Variants in CREBBP observed in about 807,000 individuals in gnomAD.
CREBBP encodes CREB binding lysine acetyltransferase, also known as CREB-binding protein.
Under a neutral mutation model 265.0 loss-of-function variants are expected in CREBBP, and 19 were observed. The observed-to-expected ratio is 0.07, with a 90% CI of 0.05 to 0.11. The LOEUF (loss-of-function observed/expected upper bound fraction) is 0.11. CREBBP is among the 10% of genes least tolerant of loss of function. The probability of loss-of-function intolerance (pLI) is 1.00; values close to 1 mark genes in which losing one functional copy is unlikely to be tolerated. For synonymous variants in CREBBP, 1,457 were observed against 1,223.7 expected, an observed-to-expected ratio of 1.19 and a Z score of -3.98; for missense variants, 2,525 against 3,219.0, an observed-to-expected ratio of 0.78 and a Z score of 5.22.
At position 3,781,422 on chromosome 16, in the gene CREBBP, T is replaced by C. The variant is rs1208639329; in HGVS notation, c.1574-116A>G. ...AACAATTGGTGGTTATTTAAATAAG[T>C]GATTCTGGCCAGTTATAGTAAGCAC... On this transcript the variant is annotated intron_variant, in intron 6 of 30. Coordinates refer to ENST00000262367, the MANE Select transcript of CREBBP (RefSeq NM_004380.3). 8 of 838,150 alleles carry C rather than the reference T, an allele frequency of 9.5e-6. No homozygotes were observed. In the East Asian group the frequency reaches 1.9e-4, roughly 20 times the overall value. 51.9% of individuals were successfully genotyped at this position (838,150 alleles called of 1,614,324 possible).
Position 3,725,740 on chromosome 16 carries a change from C to T in CREBBP, c.*1978G>A, listed in dbSNP as rs1474279780. On this transcript the variant is annotated 3_prime_UTR_variant, in exon 31 of 31. Transcript: ENST00000262367. ...ACTTCTTAGAAAGGTTCCTCGAATT[C>T]AGATTCCCAAACCAAGTATTCAGCT... 1.3e-5 allele frequency: 3 copies of T among 233,186 alleles called. No individual in the cohort carries two copies. The East Asian group carries it at 1.8e-4, about 14-fold the overall frequency. The allele number at this position is 233,186 out of a possible 1,614,324, so 14.4% of individuals were successfully genotyped here.
rs2151334147 is a variant in CREBBP, at chr16:3,738,594, G to A, written c.4359C>T (p.Ile1453=). Reference sequence around the variant, plus strand: ...TCACATACTCTAAATATCCAATAAGGATCTCATGGTAAACGGCTGTGCGGA... The same window carrying A: ...TCACATACTCTAAATATCCAATAAGAATCTCATGGTAAACGGCTGTGCGGA... ...RCLRTAVYHE[I]LIGYLEYVKK... is the part of the protein sequence containing the mutation. Residue 1453 remains isoleucine, a synonymous_variant, in exon 26 of 31, where the codon ATC becomes ATT. Transcript: ENST00000262367. The A allele has an allele frequency of 1.9e-6, 3 of 1,613,154 alleles. No homozygotes were observed. Among genetic ancestry groups the A allele is most frequent in the African/African-American group, 1.3e-5 (1 of 75,000 alleles).
chr16:3,730,691 G>C (rs530881978), intron 30 of CREBBP: 1 of 186,274 alleles, frequency 5.4e-6, no homozygotes, highest in Admixed American at 5.3e-5. Flanking sequence ...AGGAGGCTCC[G>C]GGTTGGCAGG....
At chr16:3,857,371 G>A (rs1350888574) in intron 1 of CREBBP, among the ~76,000 whole-genome samples, 1 of 152,122 alleles carries the variant, frequency 6.6e-6, no homozygotes, top group African/African-American at 2.4e-5. Flanking sequence ...AAATATACAG[G>A]TGTGGCTTTT....
chr16:3,850,980 C>A lies in CREBBP; in HGVS notation c.115G>T (p.Asp39Tyr). 6.2e-7 allele frequency: 1 copy of A among 1,614,142 alleles called. No individual in the cohort carries two copies. Among genetic ancestry groups the A allele is most frequent in the South Asian group, 1.1e-5 (1 of 91,060 alleles). ...DFGSLFDLEN[D>Y]LPDELIPNGG... ...TTGGGTATCAGCTCATCAGGAAGAT[C>A]ATTTTCCAAGTCAAACAATGATCCA... The change falls in exon 2 of 31, where the codon GAT (aspartate) becomes TAT (tyrosine). Residue 39 changes from aspartate (D) to tyrosine (Y), a missense_variant. Physicochemically the swap from Asp to Tyr is radical, Grantham distance 160. Around this residue, in one of 19 missense-constraint regions of CREBBP, gnomAD observed 356 missense variants for 340.4 expected, o/e 1.05. Transcript: ENST00000262367.
intron 2 of CREBBP, among the ~76,000 whole-genome samples, chr16:3,836,121 C>G (rs1303476277): frequency 1.3e-5 from 2 of 151,920 alleles, no homozygotes; most frequent in Non-Finnish European, 2.9e-5. Context: ...GGTCTGAGAA[C>G]AGGCAAAGCA....
At position 3,744,316 on chromosome 16, in the gene CREBBP, TAG is replaced by T. The variant is rs57433841; in HGVS notation, c.3982+576_3982+577del. On this transcript the variant is annotated intron_variant, in intron 23 of 30. Transcript: ENST00000262367. ...CGGCAGCCCACATAGGGCCCAGGGTTAGAGAGTGCTGGCCAACATTACACCAC... is the reference window on the plus strand; with the variant it reads ...CGGCAGCCCACATAGGGCCCAGGGTTAGAGTGCTGGCCAACATTACACCAC... Among the ~76,000 whole-genome samples the T allele has an allele frequency of 4.4e-3, 676 of 152,194 alleles. 7 individuals are homozygous for T. The highest frequency in any genetic ancestry group is 0.015 in the African/African-American group (636 of 41,504).
At chr16:3,797,961 A>G (rs2053640307) in intron 3 of CREBBP, among the ~76,000 whole-genome samples, 4 of 152,216 alleles carry the variant, frequency 2.6e-5, no homozygotes, top group African/African-American at 9.7e-5. Flanking sequence ...CAGGAAAGAA[A>G]GGATACTATC....
chr16:3,831,979 G>A (rs77082646), intron 2 of CREBBP, among the ~76,000 whole-genome samples: 3,645 of 151,542 alleles, frequency 0.024, 151 homozygotes, highest in African/African-American at 0.084. Context: ...CCTGGGCAAC[G>A]GAGTGAGACT....
chr16:3,731,084 G>A lies in CREBBP; in HGVS notation c.5172+108C>T, dbSNP rs1259474814. ...CTGTCCTAGTTCTGGAGGAGTCAGT[G>A]CAGCCACCATCAGGTACAGACACCA... is the stretch of plus-strand genomic sequence containing the variant. On this transcript the variant is annotated intron_variant, in intron 30 of 30. Transcript: ENST00000262367. The surrounding 1 kb of genome is among the most constrained non-coding windows in gnomAD (Gnocchi z 7.7). 1.7e-6 allele frequency: 2 copies of A among 1,167,256 alleles called. No homozygotes were observed. Among genetic ancestry groups the A allele is most frequent in the Non-Finnish European group, 1.2e-6 (1 of 803,632 alleles). The allele number at this position is 1,167,256 out of a possible 1,614,324, so 72.3% of individuals were successfully genotyped here.
intron 1 of CREBBP, among the ~76,000 whole-genome samples, chr16:3,858,225 ATC>A (rs2055003247): frequency 6.6e-6 from 1 of 152,242 alleles, no homozygotes; most frequent in Admixed American, 6.5e-5. Flanking sequence ...GGCTAAATCA[ATC>A]TGTGCAGCCA....
chr16:3,798,802 A>T (rs1289663294), intron 3 of CREBBP, among the ~76,000 whole-genome samples: 1 of 152,262 alleles, frequency 6.6e-6, no homozygotes, highest in Non-Finnish European at 1.5e-5. Context: ...ACATAAAATT[A>T]CCACATGACC....
chr16:3,825,312 A>G (rs1441442986), intron 2 of CREBBP, among the ~76,000 whole-genome samples: 2 of 152,236 alleles, frequency 1.3e-5, no homozygotes, highest in African/African-American at 4.8e-5. Flanking sequence ...GTTTTTACTT[A>G]GTAAATAAAA....
intron 5 of CREBBP, among the ~76,000 whole-genome samples, chr16:3,787,617 T>C (rs1215589464): frequency 2.0e-5 from 3 of 151,618 alleles, no homozygotes; most frequent in Non-Finnish European, 4.4e-5. Flanking sequence ...TGACTCCATA[T>C]AAAAAAAGGA....
chr16:3,856,996 G>A (rs982675519), intron 1 of CREBBP, among the ~76,000 whole-genome samples: 1 of 152,140 alleles, frequency 6.6e-6, no homozygotes, highest in African/African-American at 2.4e-5. Context: ...GAGCACAGGA[G>A]TTGAAATCCT....
intron 2 of CREBBP, among the ~76,000 whole-genome samples, chr16:3,837,098 G>C (rs2054468027): frequency 6.6e-6 from 1 of 152,120 alleles, no homozygotes; most frequent in African/African-American, 2.4e-5. Flanking sequence ...CAGCCTCAAG[G>C]CAGGTCCTTC....
chr16:3,826,981 A>G (rs1225027470), intron 2 of CREBBP, among the ~76,000 whole-genome samples: 1 of 152,146 alleles, frequency 6.6e-6, no homozygotes, highest in Non-Finnish European at 1.5e-5. Context: ...ATTTTTCTGT[A>G]AATCTAAAAC....
intron 3 of CREBBP, among the ~76,000 whole-genome samples, chr16:3,795,598 C>T (rs2053592565): frequency 6.6e-6 from 1 of 152,122 alleles, no homozygotes; most frequent in Non-Finnish European, 1.5e-5. Context: ...GGGGCATAAA[C>T]TGGAATCCCT....
intron 23 of CREBBP, 119 bp from the exon 24 acceptor site, chr16:3,740,668 C>T: frequency 2.6e-6 from 3 of 1,162,990 alleles, no homozygotes. Flanking sequence ...GACTAATGTT[C>T]TCCAAACACG....
Sources: gnomAD v4.1 joint callset for allele counts (sites outside exome capture counted in the v4.1 genomes callset) on GRCh38, gnomAD v4.1.1 for gene constraint, gnomAD v4.1.1 regional missense constraint, Gnocchi (gnomAD v3.1) non-coding constraint, MANE v1.5 for transcripts, NCBI Gene and HGNC (gene_info 2026-07-23, HGNC 2026-07-21) for gene names.